The following MORN4 variants were observed in gnomAD, a reference collection of about 807,000 sequenced individuals.
The protein encoded by MORN4 is MORN repeat-containing protein 4.
In MORN4, 8 loss-of-function variants were observed where a neutral mutation model predicts 16.4. The observed-to-expected ratio is 0.49, with a 90% CI of 0.29 to 0.88. MORN4 has a LOEUF of 0.88. Ranked by LOEUF, MORN4 falls within the 40% of genes least tolerant of loss-of-function variation. MORN4 has a pLI of 0.09. For synonymous variants in MORN4, 53 were observed against 68.9 expected, an observed-to-expected ratio of 0.77 and a Z score of 1.14; for missense variants, 159 against 182.9, an observed-to-expected ratio of 0.87 and a Z score of 0.75.
intron 1 of MORN4, among the ~76,000 whole-genome samples, chr10:97,624,727 G>A (rs1235732330): frequency 2.0e-5 from 3 of 151,950 alleles, no homozygotes; most frequent in African/African-American, 7.3e-5. Context: ...GTTTTGTTTT[G>A]TTTTTGAGAC....
Position 97,619,671 on chromosome 10 carries a change from T to C in MORN4, c.-18A>G. The C allele has an allele frequency of 6.2e-7, 1 of 1,613,396 alleles. No individual in the cohort carries two copies. The highest frequency in any genetic ancestry group is 8.5e-7 in the Non-Finnish European group (1 of 1,179,422). On this transcript the variant is annotated 5_prime_UTR_variant, in exon 2 of 5. Transcript: ENST00000307450. ...AGGGTCATGGTGACAGATTACAGGA[T>C]AAAAGGATGAAACTGTAGGAAATAA...
intron 4 of MORN4, 67 bp downstream of exon 4, chr10:97,616,606 AAAACT>A (rs1564764536): frequency 7.3e-7 from 1 of 1,364,114 alleles, no homozygotes; most frequent in African/African-American, 1.4e-5. Flanking sequence ...CCGCAGGATT[AAAACT>A]AAACAGGTAT....
chr10:97,631,517 A>T (rs1251785829), intron 1 of MORN4, among the ~76,000 whole-genome samples: 1 of 152,070 alleles, frequency 6.6e-6, no homozygotes, highest in Non-Finnish European at 1.5e-5. Flanking sequence ...AATAACGAGA[A>T]TTTTTGTTTC....
chr10:97,628,450 G>A (rs2041367161), intron 1 of MORN4, among the ~76,000 whole-genome samples: 1 of 152,188 alleles, frequency 6.6e-6, no homozygotes, highest in African/African-American at 2.4e-5. Context: ...TAAGATTGCT[G>A]AAAGAAGGGA....
intron 1 of MORN4, among the ~76,000 whole-genome samples, chr10:97,627,593 T>C (rs907570657): frequency 3.9e-5 from 6 of 152,178 alleles, no homozygotes; most frequent in Non-Finnish European, 8.8e-5. Flanking sequence ...AGAATCCCTG[T>C]GCTCTCACCC....
chr10:97,621,900 C>T (rs2041298227), intron 1 of MORN4, among the ~76,000 whole-genome samples: 1 of 152,096 alleles, frequency 6.6e-6, no homozygotes, highest in African/African-American at 2.4e-5. Context: ...TATTCCTCCA[C>T]CTGCTGGACC....
chr10:97,618,258 C>T (rs1343824285), intron 2 of MORN4, among the ~76,000 whole-genome samples: 4 of 92,830 alleles, frequency 4.3e-5, no homozygotes, highest in Non-Finnish European at 5.9e-5. Flanking sequence ...AGCCTCTCTT[C>T]TTTTTTTTTT....
At chr10:97,621,127 T>G (rs1356899622) in intron 1 of MORN4, among the ~76,000 whole-genome samples, 2 of 76,146 alleles carry the variant, frequency 2.6e-5, no homozygotes, top group Admixed American at 1.2e-4. Context: ...TCTCGAGAAA[T>G]AAATAAATAA....
chr10:97,616,702 T>A lies in MORN4; in HGVS notation c.268A>T (p.Lys90Ter). 1 of 1,614,094 alleles carries A rather than the reference T, an allele frequency of 6.2e-7. No individual in the cohort carries two copies. Among genetic ancestry groups the A allele is most frequent in the Non-Finnish European group, 8.5e-7 (1 of 1,179,964 alleles). ...YDNMTFEGEF[K>*]NGRVDGFGLL... Reference sequence around the variant, plus strand: ...CCAAAACCATCTACTCTGCCATTTTTAAATTCCCCCTCAAAGGTCATGTTG... The same window carrying A: ...CCAAAACCATCTACTCTGCCATTTTAAAATTCCCCCTCAAAGGTCATGTTG... The change falls in exon 4 of 5, where the codon AAA becomes TAA. Residue 90 changes from lysine to a stop codon, truncating the protein, a stop_gained. Coordinates refer to ENST00000307450, the MANE Select transcript of MORN4 (RefSeq NM_178832.4). LOFTEE classifies it high-confidence loss of function.
At chr10:97,631,512 C>T (rs976672425) in intron 1 of MORN4, among the ~76,000 whole-genome samples, 6 of 151,762 alleles carry the variant, frequency 4.0e-5, no homozygotes, top group Admixed American at 2.0e-4. Context: ...GAGGCAATAA[C>T]GAGAATTTTT....
chr10:97,620,488 C>CAAAAAAAAA (rs1210683127), intron 1 of MORN4, among the ~76,000 whole-genome samples: 2 of 41,130 alleles, frequency 4.9e-5, no homozygotes, highest in Admixed American at 3.0e-4. Flanking sequence ...GACTCTGTCT[C>CAAAAAAAAA]AAAAAAAAAA....
In MORN4 at chr10:97,633,048, C is replaced by G. The variant is rs2041410537; in HGVS notation, c.-31+299G>C. 6.6e-6 allele frequency among the ~76,000 whole-genome samples: 1 copy of G among 152,162 alleles called. No individual in the cohort carries two copies. On this transcript the variant is annotated intron_variant, in intron 1 of 4. Coordinates refer to ENST00000307450, the MANE Select transcript of MORN4 (RefSeq NM_178832.4). This position sits in a 1 kb window ranked among gnomAD's most constrained non-coding sequence, Gnocchi z 4.5. ...TTCCAGGCGCGTTCCTTCCTGCTAT[C>G]CGGGCCCGCTCTCCCGCCCGGCAGG...
chr10:97,621,644 C>T (rs915014180), intron 1 of MORN4, among the ~76,000 whole-genome samples: 4 of 152,142 alleles, frequency 2.6e-5, no homozygotes, highest in Admixed American at 6.5e-5. Flanking sequence ...CTCTGGGAGG[C>T]GGAGTGGGTG....
chr10:97,629,939 T>C (rs1176154540), intron 1 of MORN4, among the ~76,000 whole-genome samples: 1 of 150,474 alleles, frequency 6.6e-6, no homozygotes, highest in African/African-American at 2.4e-5. Context: ...TTTTTTTTTT[T>C]TTTTTGAGAC....
rs1162979185 is a variant in MORN4, at chr10:97,632,212, CTTTTTTTTTTTTTTT to C, written c.-31+1120_-31+1134del. On this transcript the variant is annotated intron_variant, in intron 1 of 4. Transcript: ENST00000307450. ...GAACAAAAAGTCAAATAATACTCCC[CTTTTTTTTTTTTTTT>C]TTTTTTTTTGAGACGGAGTCTTGCT... Among the ~76,000 whole-genome samples, 359 of 87,004 alleles carry C rather than the reference CTTTTTTTTTTTTTTT, an allele frequency of 4.1e-3. 3 individuals carry two copies. Among genetic ancestry groups the C allele is most frequent in the African/African-American group, 0.017 (341 of 20,132 alleles). The allele number at this position is 87,004 out of a possible 152,430, so 57.1% of individuals were successfully genotyped here. A position where few individuals can be genotyped will look rare whatever the true frequency, so the allele number is the denominator to read the frequency against.
chr10:97,619,465 T>C (rs1208399577), intron 2 of MORN4, 122 bp downstream of exon 2: 1 of 770,120 alleles, frequency 1.3e-6, no homozygotes, highest in Non-Finnish European at 2.4e-6. Flanking sequence ...TGGCAGGCAC[T>C]ATATGGAATT....
chr10:97,629,790 G>C (rs893304494), intron 1 of MORN4, among the ~76,000 whole-genome samples: 1 of 151,892 alleles, frequency 6.6e-6, no homozygotes, highest in African/African-American at 2.4e-5. Context: ...ACAGAGTCTC[G>C]CTTTGTCACG....
chr10:97,628,833 CT>C, intron 1 of MORN4, among the ~76,000 whole-genome samples: 1 of 152,290 alleles, frequency 6.6e-6, no homozygotes, highest in East Asian at 1.9e-4. Context: ...CGCCCAGCCC[CT>C]AACCACTTTT....
intron 1 of MORN4, among the ~76,000 whole-genome samples, chr10:97,623,736 T>TC (rs1457694475): frequency 5.9e-5 from 9 of 151,726 alleles, no homozygotes; most frequent in Admixed American, 1.3e-4. Context: ...GATTCTTTTT[T>TC]TTTTTTTTTC....
Sources: allele counts gnomAD v4.1 joint callset (sites outside exome capture counted in the v4.1 genomes callset), GRCh38; gene constraint gnomAD v4.1.1; non-coding constraint Gnocchi (gnomAD v3.1); transcripts MANE v1.5; gene names NCBI Gene and HGNC (gene_info 2026-07-23, HGNC 2026-07-21).